The following WDR7 variants were observed in gnomAD, a reference collection of about 807,000 sequenced individuals.
WDR7 encodes WD repeat domain 7.
In WDR7, 46 loss-of-function variants were observed where a neutral mutation model predicts 169.4. The ratio of observed to expected loss-of-function variants is 0.27; its 90% CI spans 0.21 to 0.35. The LOEUF is 0.35. Ranked by LOEUF, WDR7 falls within the 10% of genes least tolerant of loss-of-function variation. The probability of loss-of-function intolerance (pLI) is 1.00; values close to 1 mark genes in which losing one functional copy is unlikely to be tolerated. For missense variants in WDR7, 1,534 were observed against 1,859.3 expected, an observed-to-expected ratio of 0.83 and a Z score of 3.22; for synonymous variants, 612 against 666.8, an observed-to-expected ratio of 0.92 and a Z score of 1.27.
At chr18:56,663,249 G>A (rs987308791) in intron 1 of WDR7, among the ~76,000 whole-genome samples, 3 of 152,172 alleles carry the variant, frequency 2.0e-5, no homozygotes, top group Non-Finnish European at 4.4e-5. Flanking sequence ...CAACATATGC[G>A]TTTTGGGAGG....
At chr18:56,773,603 T>A (rs769971861) in intron 16 of WDR7, among the ~76,000 whole-genome samples, 2 of 152,278 alleles carry the variant, frequency 1.3e-5, no homozygotes, top group Middle Eastern at 3.4e-3. Flanking sequence ...CCAAACAGGT[T>A]GTTGCATTAT....
In WDR7 at chr18:56,782,515, T is replaced by G. The variant is rs140878568; in HGVS notation, c.3190+859T>G. On this transcript the variant is annotated intron_variant, in intron 19 of 27. Coordinates refer to ENST00000254442, the MANE Select transcript of WDR7 (RefSeq NM_015285.3). ...TTGAATTAAAATTAAAATTTTACCC[T>G]AAATTATATTCATTGTAAGATAAAT... 2.7e-3 allele frequency among the ~76,000 whole-genome samples: 416 copies of G among 152,210 alleles called. 1 individual carries two copies. Among genetic ancestry groups the G allele is most frequent in the African/African-American group, 9.5e-3 (394 of 41,562 alleles).
chr18:57,030,797 C>T (rs746647061), downstream of WDR7: 1 of 151,012 alleles, frequency 6.6e-6, no homozygotes, highest in Non-Finnish European at 1.5e-5. Flanking sequence ...GTTTAGAGAT[C>T]GTCAATACAT....
intron 14 of WDR7, among the ~76,000 whole-genome samples, chr18:56,754,247 TTGTGTGTGTGTGTGTG>T (rs71169393): frequency 3.5e-5 from 5 of 141,628 alleles, no homozygotes; most frequent in Admixed American, 1.4e-4. Flanking sequence ...GTTTTGTGCT[TTGTGTGTGTGTGTGTG>T]TGTGTGTGTG....
rs566339942 is a variant in WDR7, at chr18:57,023,834, G to A, written c.4269+2985G>A. Among the ~76,000 whole-genome samples, 7 of 152,264 alleles carry A rather than the reference G, an allele frequency of 4.6e-5. 1 individual carries two copies. In the South Asian group the frequency reaches 1.5e-3, roughly 32 times the overall value. On this transcript the variant is annotated intron_variant, in intron 27 of 27. Transcript: ENST00000254442. ...GCAAATATCCTTTTTCAGAAATGCTGATAATAAATTAGGTAGATACTGGTT... is the reference window on the plus strand; with the variant it reads ...GCAAATATCCTTTTTCAGAAATGCTAATAATAAATTAGGTAGATACTGGTT...
At chr18:56,680,990 C>T (rs1185893691) in intron 3 of WDR7, among the ~76,000 whole-genome samples, 1 of 152,110 alleles carries the variant, frequency 6.6e-6, no homozygotes, top group Non-Finnish European at 1.5e-5. Flanking sequence ...CAGCCAGTCT[C>T]TGGAACAGAG....
intron 20 of WDR7, among the ~76,000 whole-genome samples, chr18:56,875,283 G>A (rs1246657740): frequency 6.6e-6 from 1 of 152,054 alleles, no homozygotes; most frequent in Non-Finnish European, 1.5e-5. Flanking sequence ...ATCGTGTATT[G>A]TAAAGCTCTC....
chr18:56,908,349 G>T (rs1182898746), intron 21 of WDR7, among the ~76,000 whole-genome samples: 1 of 152,120 alleles, frequency 6.6e-6, no homozygotes, highest in Non-Finnish European at 1.5e-5. Context: ...GGGAAACTCT[G>T]CCAATCAAGC....
chr18:56,958,222 C>T (rs778578665), intron 25 of WDR7, among the ~76,000 whole-genome samples: 3 of 152,120 alleles, frequency 2.0e-5, no homozygotes, highest in East Asian at 1.9e-4. Context: ...CATCCCTCTC[C>T]GGGGTTTTGT....
chr18:56,955,896 G>T (rs1423798770), intron 25 of WDR7, among the ~76,000 whole-genome samples: 1 of 152,112 alleles, frequency 6.6e-6, no homozygotes, highest in Non-Finnish European at 1.5e-5. Context: ...ATAGATCCAG[G>T]CAATAAGGAA....
At chr18:56,820,367 A>C (rs1352104906) in intron 20 of WDR7, among the ~76,000 whole-genome samples, 5 of 135,078 alleles carry the variant, frequency 3.7e-5, no homozygotes, top group African/African-American at 7.9e-5. Flanking sequence ...AAAAAAAACC[A>C]CCTTGATACT....
At chr18:56,788,893 T>A (rs1413936455) in intron 19 of WDR7, among the ~76,000 whole-genome samples, 1 of 152,172 alleles carries the variant, frequency 6.6e-6, no homozygotes, top group Non-Finnish European at 1.5e-5. Flanking sequence ...GAAAACTACT[T>A]CTGTGTGATA....
intron 26 of WDR7, among the ~76,000 whole-genome samples, chr18:56,987,738 T>C (rs768915228): frequency 2.0e-5 from 3 of 152,228 alleles, no homozygotes; most frequent in Non-Finnish European, 4.4e-5. Context: ...TATCACGTTA[T>C]TTTTTGTCTC....
rs138135961 is a variant in WDR7 at position 56,889,690 on chromosome 18, A to G, written c.3526+9525A>G. On this transcript the variant is annotated intron_variant, in intron 21 of 27. Coordinates refer to ENST00000254442, the MANE Select transcript of WDR7 (RefSeq NM_015285.3). The stretch of plus-strand genomic sequence containing the variant: ...TCTAACTCTAAAGCAGCATATTTTC[A>G]CCATTCCACATATTTTTGTGTGTTA... 2.4e-3 allele frequency among the ~76,000 whole-genome samples: 360 copies of G among 152,282 alleles called. 2 individuals carry two copies. The highest frequency in any genetic ancestry group is 8.1e-3 in the African/African-American group (338 of 41,556).
At chr18:56,934,870 T>C (rs2046936750) in intron 22 of WDR7, among the ~76,000 whole-genome samples, 1 of 152,208 alleles carries the variant, frequency 6.6e-6, no homozygotes, top group South Asian at 2.1e-4. Flanking sequence ...CTCGGGAAAC[T>C]ATAATTGTAT....
intron 4 of WDR7, among the ~76,000 whole-genome samples, chr18:56,681,886 T>C (rs2025356896): frequency 6.6e-6 from 1 of 152,234 alleles, no homozygotes; most frequent in African/African-American, 2.4e-5. Context: ...TGTAGAGTGT[T>C]ACACAGGAAT....
At chr18:56,825,080 C>G (rs1262294794) in intron 20 of WDR7, among the ~76,000 whole-genome samples, 1 of 152,208 alleles carries the variant, frequency 6.6e-6, no homozygotes, top group Non-Finnish European at 1.5e-5. Flanking sequence ...CTGGGAATCC[C>G]TATTTGGTTG....
chr18:56,815,550 C>CT (rs1283927844), intron 19 of WDR7, among the ~76,000 whole-genome samples: 1 of 152,100 alleles, frequency 6.6e-6, no homozygotes, highest in African/African-American at 2.4e-5. Context: ...AGATGTTATA[C>CT]TTTTTTTGGG....
At chr18:56,798,817 A>G (rs921559867) in intron 19 of WDR7, among the ~76,000 whole-genome samples, 2 of 152,238 alleles carry the variant, frequency 1.3e-5, no homozygotes, top group East Asian at 1.9e-4. Flanking sequence ...GATCTTATAC[A>G]TGAGACATTT....
Sources: gnomAD v4.1 joint callset for allele counts (sites outside exome capture counted in the v4.1 genomes callset) on GRCh38, gnomAD v4.1.1 for gene constraint, MANE v1.5 for transcripts, NCBI Gene and HGNC (gene_info 2026-07-23, HGNC 2026-07-21) for gene names.